Variants in ARHGEF28 observed in about 807,000 individuals in gnomAD.
ARHGEF28 encodes Rho guanine nucleotide exchange factor 28.
Under a neutral mutation model 206.6 loss-of-function variants are expected in ARHGEF28, and 152 were observed. The observed-to-expected ratio is 0.74, with a 90% confidence interval of 0.64 to 0.84. ARHGEF28 has a LOEUF of 0.84. Among genes scored for constraint, ARHGEF28 ranks in the 40% least tolerant of loss-of-function variants. ARHGEF28 has a pLI of 0.00. For synonymous variants in ARHGEF28, 763 were observed against 776.4 expected, an observed-to-expected ratio of 0.98 and a Z score of 0.29; for missense variants, 2,028 against 2,073.2, an observed-to-expected ratio of 0.98 and a Z score of 0.42.
At chr5:73,709,952 C>T (rs922870136) in intron 2 of ARHGEF28, among the ~76,000 whole-genome samples, 8 of 152,140 alleles carry the variant, frequency 5.3e-5, no homozygotes, top group Admixed American at 1.3e-4. Context: ...CATAGATGTA[C>T]CACAGTTTGT....
intron 9 of ARHGEF28, among the ~76,000 whole-genome samples, chr5:73,799,120 A>T (rs1318574527): frequency 6.6e-6 from 1 of 152,074 alleles, no homozygotes; most frequent in Non-Finnish European, 1.5e-5. Flanking sequence ...TAAAGTTTTG[A>T]TCCTATTTCT....
Position 73,832,421 on chromosome 5 carries a change from G to A in ARHGEF28, c.1108G>A (p.Gly370Ser). Residue 370 changes from glycine (G) to serine (S), a missense_variant, in exon 10 of 36, where the codon GGT (glycine) becomes AGT (serine). By Grantham distance (56) the Gly-to-Ser change is moderately conservative (BLOSUM62 0). Transcript: ENST00000513042. ...CCGGCTTTCAGACATGCTGAATGGAGGTGATGAAGTCTACGCTAACTGTAT... is the reference window on the plus strand; with the variant it reads ...CCGGCTTTCAGACATGCTGAATGGAAGTGATGAAGTCTACGCTAACTGTAT... ...AGRLSDMLNG[G>S]DEVYANCMVI... 1 of 1,612,668 alleles carries A rather than the reference G, an allele frequency of 6.2e-7. No individual in the cohort carries two copies.
intron 7 of ARHGEF28, among the ~76,000 whole-genome samples, chr5:73,781,699 C>T (rs1369817972): frequency 6.6e-6 from 1 of 152,096 alleles, no homozygotes; most frequent in Non-Finnish European, 1.5e-5. Context: ...CACATTATTG[C>T]GTCTCCTAGG....
chr5:73,822,958 T>TTTTC (rs1047667262), intron 9 of ARHGEF28, among the ~76,000 whole-genome samples: 9 of 152,204 alleles, frequency 5.9e-5, no homozygotes, highest in Non-Finnish European at 1.2e-4. Flanking sequence ...TGAGGGTAGT[T>TTTTC]TTTCTTTCTT....
intron 35 of ARHGEF28, among the ~76,000 whole-genome samples, chr5:73,929,226 C>T (rs1438593809): frequency 6.6e-6 from 1 of 152,202 alleles, no homozygotes. Flanking sequence ...GTTCTGATCA[C>T]TCAACTTCAG....
chr5:73,747,693 T>G (rs1751801773), intron 2 of ARHGEF28, among the ~76,000 whole-genome samples: 1 of 152,208 alleles, frequency 6.6e-6, no homozygotes, highest in Non-Finnish European at 1.5e-5. Context: ...GAGACTTTTT[T>G]TATTGCTGAA....
intron 4 of ARHGEF28, among the ~76,000 whole-genome samples, chr5:73,772,212 C>T (rs770798821): frequency 1.3e-5 from 2 of 152,018 alleles, no homozygotes; most frequent in Non-Finnish European, 2.9e-5. Flanking sequence ...TTTGTAGAAA[C>T]CTGGCTTCCC....
At chr5:73,860,055 A>G (rs72772533) in intron 16 of ARHGEF28, among the ~76,000 whole-genome samples, 5,581 of 152,240 alleles carry the variant, frequency 0.037, 171 homozygotes, top group Non-Finnish European at 0.052. Flanking sequence ...CCAGGTCGAC[A>G]TCTCTCCTTT....
intron 2 of ARHGEF28, among the ~76,000 whole-genome samples, chr5:73,701,731 C>T (rs1748616568): frequency 6.6e-6 from 1 of 152,076 alleles, no homozygotes; most frequent in South Asian, 2.1e-4. Context: ...TTTGGGACTG[C>T]CTTTTTAATC....
At chr5:73,692,946 G>A (rs1747932956) in intron 2 of ARHGEF28, among the ~76,000 whole-genome samples, 2 of 152,148 alleles carry the variant, frequency 1.3e-5, no homozygotes, top group African/African-American at 4.8e-5. Flanking sequence ...ACCTATGACT[G>A]GCCTCATGCC....
At chr5:73,684,116 C>T (rs1747285776) in intron 1 of ARHGEF28, among the ~76,000 whole-genome samples, 1 of 152,080 alleles carries the variant, frequency 6.6e-6, no homozygotes, top group African/African-American at 2.4e-5. Context: ...TCAGGTACAA[C>T]TCAGTGGAAC....
chr5:73,858,087 A>G lies in ARHGEF28; in HGVS notation c.1915A>G (p.Thr639Ala). ...RMTSPRNKSKTKSKDAKDKEK... is the reference protein window; with the variant it reads ...RMTSPRNKSKAKSKDAKDKEK... ...CCTACTGCTGCTGCTGCATCTGAAGACAAAAAGCAAGGATGCCAAAGATAA... is the reference window on the plus strand; with the variant it reads ...CCTACTGCTGCTGCTGCATCTGAAGGCAAAAAGCAAGGATGCCAAAGATAA... Residue 639 changes from threonine to alanine, a missense_variant and splice_region_variant, in exon 16 of 36, where the codon ACA becomes GCA. This residue lies in a region of ARHGEF28 where 1,002 missense variants were observed against 1,015.3 expected (regional missense o/e 0.99). Coordinates refer to ENST00000513042, the MANE Select transcript of ARHGEF28 (RefSeq NM_001177693.2). 6.2e-7 allele frequency: 1 copy of G among 1,600,380 alleles called. No individual in the cohort carries two copies. The highest frequency in any genetic ancestry group is 8.5e-7 in the Non-Finnish European group (1 of 1,176,060).
chr5:73,697,274 C>T (rs1215949872), intron 2 of ARHGEF28, among the ~76,000 whole-genome samples: 2 of 152,174 alleles, frequency 1.3e-5, no homozygotes, highest in African/African-American at 2.4e-5. Context: ...ACTCTTTTTA[C>T]CCCCTTCTTT....
intron 35 of ARHGEF28, among the ~76,000 whole-genome samples, chr5:73,932,716 A>G (rs1764191225): frequency 1.3e-5 from 2 of 151,636 alleles, no homozygotes; most frequent in Non-Finnish European, 2.9e-5. Context: ...TCATTTGACA[A>G]TATATGTTGA....
chr5:73,832,268 G>C, intron 9 of ARHGEF28, 70 bp from the exon 10 acceptor site: 1 of 1,558,962 alleles, frequency 6.4e-7, no homozygotes, highest in Non-Finnish European at 8.7e-7. Context: ...TATGGTCTAA[G>C]AAGGTAAAGC....
chr5:73,911,191 TA>T, intron 34 of ARHGEF28, 83 bp from the exon 35 acceptor site: 1 of 1,310,284 alleles, frequency 7.6e-7, no homozygotes, highest in Non-Finnish European at 1.0e-6. Flanking sequence ...TCTTGATTCC[TA>T]AGATTCTCTC....
intron 31 of ARHGEF28, 83 bp downstream of exon 31, chr5:73,901,367 T>A: frequency 1.8e-6 from 2 of 1,126,834 alleles, no homozygotes; most frequent in Non-Finnish European, 2.6e-6. Context: ...GTCACGGCAG[T>A]CAGTGGGGCA....
intron 2 of ARHGEF28, among the ~76,000 whole-genome samples, chr5:73,688,784 G>A (rs1172879486): frequency 6.6e-6 from 1 of 152,106 alleles, no homozygotes; most frequent in Non-Finnish European, 1.5e-5. Flanking sequence ...CTCCTGAGTA[G>A]CTGGGACTAC....
chr5:73,807,648 C>A (rs1199365481), intron 9 of ARHGEF28, among the ~76,000 whole-genome samples: 2 of 151,864 alleles, frequency 1.3e-5, no homozygotes, highest in Non-Finnish European at 2.9e-5. Flanking sequence ...CCATGCCCAG[C>A]TAATTTTTTG....
Sources: gnomAD v4.1 joint callset for allele counts (sites outside exome capture counted in the v4.1 genomes callset) on GRCh38, gnomAD v4.1.1 for gene constraint, gnomAD v4.1.1 regional missense constraint, MANE v1.5 for transcripts, NCBI Gene and HGNC (gene_info 2026-07-23, HGNC 2026-07-21) for gene names.